FAF1: variants seen among roughly 807,000 people sequenced by gnomAD.
The protein encoded by FAF1 is FAS-associated factor 1.
In FAF1, 25 loss-of-function variants were observed where a neutral mutation model predicts 92.5. The ratio of observed to expected loss-of-function variants is 0.27; its 90% CI spans 0.20 to 0.38. The LOEUF (loss-of-function observed/expected upper bound fraction) is 0.38. FAF1 is among the 10% of genes least tolerant of loss of function. FAF1 has a pLI of 1.00. For missense variants in FAF1, 636 were observed against 793.3 expected, an observed-to-expected ratio of 0.80 and a Z score of 2.38; for synonymous variants, 234 against 273.2, an observed-to-expected ratio of 0.86 and a Z score of 1.42.
chr1:50,922,818 CAAAAAAAAAAAA>C (rs754253837), intron 1 of FAF1, among the ~76,000 whole-genome samples: 1 of 56,886 alleles, frequency 1.8e-5, no homozygotes, highest in African/African-American at 6.0e-5. Flanking sequence ...GAATCCACCA[CAAAAAAAAAAAA>C]AAAAAAAAAG....
At chr1:50,801,722 T>C (rs1387063934) in intron 2 of FAF1, 45 bp from the exon 3 acceptor site, 18 of 1,115,908 alleles carry the variant, frequency 1.6e-5, no homozygotes, top group African/African-American at 1.1e-4. Context: ...AACAGATAAA[T>C]GCCCAAGTGT....
At chr1:50,656,700 T>C (rs1011584856) in intron 7 of FAF1, among the ~76,000 whole-genome samples, 1 of 151,902 alleles carries the variant, frequency 6.6e-6, no homozygotes, top group African/African-American at 2.4e-5. Flanking sequence ...CTGGCCAACA[T>C]GGCAAAACCT....
chr1:50,801,532 A>T, intron 3 of FAF1, 99 bp downstream of exon 3: 1 of 688,934 alleles, frequency 1.5e-6, no homozygotes, highest in Non-Finnish European at 2.6e-6. Flanking sequence ...ATATACCCCA[A>T]ATCAATGCTC....
At chr1:50,889,418 G>C (rs1199829489) in intron 1 of FAF1, among the ~76,000 whole-genome samples, 1 of 152,096 alleles carries the variant, frequency 6.6e-6, no homozygotes, top group Non-Finnish European at 1.5e-5. Flanking sequence ...TTTTGAATGT[G>C]TTTGCTCTTG....
intron 4 of FAF1, among the ~76,000 whole-genome samples, chr1:50,758,413 G>T (rs374428212): frequency 2.0e-5 from 3 of 152,288 alleles, no homozygotes; most frequent in East Asian, 1.9e-4. Flanking sequence ...TCTGTCTTAC[G>T]ACAGAATACT....
chr1:50,781,767 A>G (rs1375464288), intron 4 of FAF1, among the ~76,000 whole-genome samples: 1 of 152,244 alleles, frequency 6.6e-6, no homozygotes, highest in Non-Finnish European at 1.5e-5. Context: ...AAAAAGTCTT[A>G]AACTTAAGAT....
chr1:50,669,173 T>A (rs947883763), intron 7 of FAF1, among the ~76,000 whole-genome samples: 3 of 152,154 alleles, frequency 2.0e-5, no homozygotes, highest in Non-Finnish European at 2.9e-5. Context: ...ACTTTTCTAG[T>A]TGGGGATGCC....
chr1:50,956,489 A>C (rs562629569), intron 1 of FAF1, among the ~76,000 whole-genome samples: 52 of 152,354 alleles, frequency 3.4e-4, no homozygotes, highest in South Asian at 8.3e-4. Context: ...TTTCCTACAA[A>C]GATAATACTG....
chr1:50,652,425 T>C (rs1654909637), intron 8 of FAF1, among the ~76,000 whole-genome samples: 1 of 152,230 alleles, frequency 6.6e-6, no homozygotes, highest in South Asian at 2.1e-4. Context: ...TTCATCGACT[T>C]TGCCTATCAT....
chr1:50,817,676 T>C (rs1179457521), intron 2 of FAF1, among the ~76,000 whole-genome samples: 2 of 152,174 alleles, frequency 1.3e-5, no homozygotes, highest in Non-Finnish European at 2.9e-5. Flanking sequence ...AAAAAGATTT[T>C]AAAAAATTTA....
intron 15 of FAF1, among the ~76,000 whole-genome samples, chr1:50,504,167 T>C (rs1647025920): frequency 6.6e-6 from 1 of 152,022 alleles, no homozygotes; most frequent in East Asian, 1.9e-4. Flanking sequence ...CTCAAGAAGT[T>C]ATCTAAATTG....
At chr1:50,947,339 G>A (rs1271196685) in intron 1 of FAF1, among the ~76,000 whole-genome samples, 2 of 152,148 alleles carry the variant, frequency 1.3e-5, no homozygotes, top group African/African-American at 2.4e-5. Context: ...CCACCTGAAA[G>A]CCATTAAGGT....
intron 3 of FAF1, among the ~76,000 whole-genome samples, chr1:50,796,212 A>AACAC (rs59114947): frequency 3.3e-5 from 5 of 151,036 alleles, no homozygotes; most frequent in Non-Finnish European, 7.4e-5. Flanking sequence ...CAAACACACA[A>AACAC]ACACACACAC....
intron 7 of FAF1, among the ~76,000 whole-genome samples, chr1:50,667,366 A>G (rs2124329440): frequency 6.6e-6 from 1 of 152,320 alleles, no homozygotes; most frequent in East Asian, 1.9e-4. Context: ...TACTTGGCCA[A>G]TGGACAGTAA....
At position 50,475,568 on chromosome 1, in the gene FAF1, G is replaced by A. The variant is rs750492957; in HGVS notation, c.1765C>T (p.Arg589Cys). 8.7e-6 allele frequency: 14 copies of A among 1,613,936 alleles called. No individual in the cohort carries two copies. Among genetic ancestry groups the A allele is most frequent in the South Asian group, 2.2e-5 (2 of 91,076 alleles). ...RTPSGEFLER[R>C]FLASNKLQIV... ...TGGAGCTTGTTGCTGGCCAGGAAAC[G>A]CCGCTCCAAGAACTCGCCACTGGGG... Residue 589 changes from arginine to cysteine, a missense_variant, in exon 18 of 19, where the codon CGT becomes TGT. By Grantham distance (180) the Arg-to-Cys change is radical. Coordinates refer to ENST00000396153, the MANE Select transcript of FAF1 (RefSeq NM_007051.3).
chr1:50,822,751 TTTC>T (rs1176075076), intron 2 of FAF1, among the ~76,000 whole-genome samples: 315 of 142,810 alleles, frequency 2.2e-3, no homozygotes, highest in Non-Finnish European at 3.1e-3. Context: ...GTGTTTTTTC[TTTC>T]TTTCTTTCTT....
chr1:50,843,138 A>G (rs1361368334), intron 2 of FAF1, among the ~76,000 whole-genome samples: 2 of 152,176 alleles, frequency 1.3e-5, no homozygotes, highest in African/African-American at 4.8e-5. Flanking sequence ...ACCAAAACCT[A>G]AATTTGCTAC....
intron 15 of FAF1, among the ~76,000 whole-genome samples, chr1:50,522,779 C>A (rs1173270561): frequency 6.6e-6 from 1 of 152,026 alleles, no homozygotes; most frequent in Non-Finnish European, 1.5e-5. Flanking sequence ...ACATAACATA[C>A]AATATAGTAT....
chr1:50,705,134 C>A (rs971559849), intron 7 of FAF1, among the ~76,000 whole-genome samples: 1 of 152,190 alleles, frequency 6.6e-6, no homozygotes, highest in African/African-American at 2.4e-5. Flanking sequence ...ATGTTCCCCC[C>A]ACCCTCCATG....
Sources: gnomAD v4.1 joint callset for allele counts (sites outside exome capture counted in the v4.1 genomes callset) on GRCh38, gnomAD v4.1.1 for gene constraint, MANE v1.5 for transcripts, NCBI Gene and HGNC (gene_info 2026-07-23, HGNC 2026-07-21) for gene names.